The following CACNA1C variants were observed in gnomAD, a reference collection of about 807,000 sequenced individuals.
CACNA1C encodes the protein calcium voltage-gated channel subunit alpha1 C, also known as voltage-dependent L-type calcium channel subunit alpha-1C.
A neutral mutation model predicts 229.0 loss-of-function variants in CACNA1C; 30 were observed. The observed-to-expected ratio is 0.13, with a 90% CI of 0.10 to 0.18. The LOEUF is 0.18. CACNA1C is among the 10% of genes least tolerant of loss of function. CACNA1C has a pLI of 1.00. For synonymous variants in CACNA1C, 1,114 were observed against 1,132.5 expected (o/e 0.98, Z 0.33); for missense variants, 1,658 against 2,845.0 (o/e 0.58, Z 9.49).
Position 2,101,939 on chromosome 12 carries a change from A to G in CACNA1C, c.50-13285A>G, listed in dbSNP as rs569471603. ...CCCTGCATCATGGGACCAAAGTCCAAGTAATTACTATTATGGGGAAAAAAG... is the reference window on the plus strand; with the variant it reads ...CCCTGCATCATGGGACCAAAGTCCAGGTAATTACTATTATGGGGAAAAAAG... On this transcript the variant is annotated intron_variant, in intron 1 of 46. Coordinates refer to ENST00000399655, the MANE Select transcript of CACNA1C (RefSeq NM_000719.7). Among the ~76,000 whole-genome samples, 4 of 152,316 alleles carry G rather than the reference A, an allele frequency of 2.6e-5. No homozygotes were observed. The South Asian group carries it at 8.3e-4, about 32-fold the overall frequency.
chr12:2,057,165 A>G (rs922677273), intron 1 of CACNA1C, among the ~76,000 whole-genome samples: 7 of 152,232 alleles, frequency 4.6e-5, no homozygotes, highest in Non-Finnish European at 8.8e-5. Context: ...TTCTTCAAAT[A>G]AAACTGCTTG....
At chr12:1,980,684 T>C (rs985451722) in intron 1 of CACNA1C, among the ~76,000 whole-genome samples, 4 of 150,886 alleles carry the variant, frequency 2.7e-5, no homozygotes, top group African/African-American at 9.7e-5. Context: ...TACCTTTAAC[T>C]ATTTTTAATA....
chr12:2,007,304 G>A, intron 1 of CACNA1C, among the ~76,000 whole-genome samples: 1 of 152,280 alleles, frequency 6.6e-6, no homozygotes, highest in African/African-American at 2.4e-5. Flanking sequence ...CATCTTTAAA[G>A]TGTAAAGAAT....
chr12:2,177,002 G>T (rs1027932834), intron 3 of CACNA1C, among the ~76,000 whole-genome samples: 1 of 152,188 alleles, frequency 6.6e-6, no homozygotes, highest in Non-Finnish European at 1.5e-5. Flanking sequence ...TCCACCCATG[G>T]CCAGGTCGGC....
chr12:2,002,394 T>C (rs2042379274), intron 1 of CACNA1C, among the ~76,000 whole-genome samples: 1 of 152,220 alleles, frequency 6.6e-6, no homozygotes, highest in Non-Finnish European at 1.5e-5. Flanking sequence ...TACCACAGCC[T>C]TGAAGATTAG....
At position 2,646,802 on chromosome 12, in the gene CACNA1C, G is replaced by A. The variant is rs137878979; in HGVS notation, c.3913-1673G>A. Among the ~76,000 whole-genome samples, 564 of 151,840 alleles carry A rather than the reference G, an allele frequency of 3.7e-3. 2 individuals are homozygous for A. Among genetic ancestry groups the A allele is most frequent in the African/African-American group, 0.013 (537 of 41,294 alleles). On this transcript the variant is annotated intron_variant, in intron 30 of 46. Transcript: ENST00000399655. The surrounding 1 kb of genome is among the most constrained non-coding windows in gnomAD (Gnocchi z 4.6). ...AGAGAGAGAGAGAGTGTGTGTGTGCGCGTGTGTGTGTCTGCCTATGTTTGT... is the reference window on the plus strand; with the variant it reads ...AGAGAGAGAGAGAGTGTGTGTGTGCACGTGTGTGTGTCTGCCTATGTTTGT...
rs1231084567 is a variant in CACNA1C at position 2,215,051 on chromosome 12, G to A, written c.477+94621G>A. On this transcript the variant is annotated intron_variant, in intron 3 of 46. Transcript: ENST00000399655. This position sits in a 1 kb window ranked among gnomAD's most constrained non-coding sequence, Gnocchi z 5.0. ...GTGAAGTCGGGAGGAGCCGGAGGCA[G>A]TGAGGACCTGCATTGCAGCGGGTGT... 6.6e-6 allele frequency among the ~76,000 whole-genome samples: 1 copy of A among 152,132 alleles called. No individual in the cohort carries two copies. Among genetic ancestry groups the A allele is most frequent in the East Asian group, 1.9e-4 (1 of 5,164 alleles).
At chr12:2,416,157 C>A (rs927409362) in intron 3 of CACNA1C, among the ~76,000 whole-genome samples, 2 of 152,164 alleles carry the variant, frequency 1.3e-5, no homozygotes, top group African/African-American at 4.8e-5. Flanking sequence ...GACAGCTCAT[C>A]GCTATTTTAG....
At chr12:2,418,502 A>G (rs924214090) in intron 3 of CACNA1C, among the ~76,000 whole-genome samples, 1 of 151,918 alleles carries the variant, frequency 6.6e-6, no homozygotes, top group Non-Finnish European at 1.5e-5. Flanking sequence ...ACTGTTGCTC[A>G]GTTAGGCCAG....
chr12:2,519,406 A>G (rs546888533), intron 9 of CACNA1C, among the ~76,000 whole-genome samples: 128 of 152,336 alleles, frequency 8.4e-4, no homozygotes, highest in African/African-American at 2.5e-3. Context: ...GAGTTGGCTC[A>G]TTGTTCTGTC....
intron 3 of CACNA1C, among the ~76,000 whole-genome samples, chr12:2,279,526 A>G (rs901726720): frequency 5.3e-5 from 8 of 152,216 alleles, no homozygotes; most frequent in African/African-American, 1.2e-4. Flanking sequence ...TAGGATTGTT[A>G]TGCACCCTTG....
chr12:2,180,709 C>T (rs2096813116), intron 3 of CACNA1C, among the ~76,000 whole-genome samples: 1 of 152,188 alleles, frequency 6.6e-6, no homozygotes, highest in African/African-American at 2.4e-5. Context: ...GGGTTCTAAT[C>T]ACAGCGTGTC....
At position 2,420,694 on chromosome 12, in the gene CACNA1C, T is replaced by C. The variant is rs2098969684; in HGVS notation, c.478-28282T>C. On this transcript the variant is annotated intron_variant, in intron 3 of 46. Transcript: ENST00000399655. ...ACGTTTGGAATGGGCCAATAAAACA[T>C]GGTGAGCATCCAGCAGCAGCCTGGG... Among the ~76,000 whole-genome samples the C allele has an allele frequency of 2.0e-5, 3 of 152,210 alleles. No individual in the cohort carries two copies. The South Asian group carries it at 6.2e-4, about 32-fold the overall frequency.
chr12:1,975,379 CTTGA>C (rs1397126711), intron 1 of CACNA1C, among the ~76,000 whole-genome samples: 6 of 152,086 alleles, frequency 3.9e-5, no homozygotes, highest in African/African-American at 1.4e-4. Flanking sequence ...GATTCCAGAA[CTTGA>C]TTATTTGAAA....
chr12:2,503,722 G>C (rs776109567), intron 7 of CACNA1C, among the ~76,000 whole-genome samples: 1 of 152,202 alleles, frequency 6.6e-6, no homozygotes, highest in African/African-American at 2.4e-5. Context: ...TCTGGCTGCC[G>C]TAGGGGTTTG....
chr12:2,595,032 C>A lies in CACNA1C; in HGVS notation c.2664-842C>A, dbSNP rs567637548. ...GGTGGGAGGGGTTGTTGGTTTGAAG[C>A]AGATGATTCTTACAGCCATCTCCTA... On this transcript the variant is annotated intron_variant, in intron 19 of 46. Transcript: ENST00000399655. This position sits in a 1 kb window ranked among gnomAD's most constrained non-coding sequence, Gnocchi z 4.1. Among the ~76,000 whole-genome samples, 9 of 152,224 alleles carry A rather than the reference C, an allele frequency of 5.9e-5. No homozygotes were observed. Among genetic ancestry groups the A allele is most frequent in the Non-Finnish European group, 1.3e-4 (9 of 68,046 alleles).
At chr12:2,318,837 C>A (rs543250505) in intron 3 of CACNA1C, among the ~76,000 whole-genome samples, 1 of 146,546 alleles carries the variant, frequency 6.8e-6, no homozygotes, top group Non-Finnish European at 1.5e-5. Flanking sequence ...GCTAGAGGAG[C>A]GGGCAGAGAG....
At chr12:2,299,064 C>G (rs1262450350) in intron 3 of CACNA1C, among the ~76,000 whole-genome samples, 3 of 152,210 alleles carry the variant, frequency 2.0e-5, no homozygotes, top group Non-Finnish European at 4.4e-5. Context: ...TTAGCCCGAG[C>G]TGTTAAGGAG....
intron 3 of CACNA1C, among the ~76,000 whole-genome samples, chr12:2,150,539 G>A (rs559138800): frequency 6.6e-6 from 1 of 152,196 alleles, no homozygotes; most frequent in Non-Finnish European, 1.5e-5. Context: ...AGGCTACAGA[G>A]CAGCTTTGAT....
Sources: gnomAD v4.1 joint callset for allele counts (sites outside exome capture counted in the v4.1 genomes callset) on GRCh38, gnomAD v4.1.1 for gene constraint, Gnocchi (gnomAD v3.1) non-coding constraint, MANE v1.5 for transcripts, NCBI Gene and HGNC (gene_info 2026-07-23, HGNC 2026-07-21) for gene names.